SETD5: variants seen among roughly 807,000 people sequenced by gnomAD.
SETD5 encodes the protein histone-lysine N-methyltransferase SETD5.
SETD5 carries 44 observed loss-of-function variants against 153.3 expected under a neutral mutation model. The observed-to-expected ratio is 0.29, with a 90% confidence interval of 0.23 to 0.37. The LOEUF (loss-of-function observed/expected upper bound fraction) is 0.37, where lower values mean the gene tolerates loss of function less well. Among genes scored for constraint, SETD5 ranks in the 10% least tolerant of loss-of-function variants. SETD5 has a pLI of 1.00. For synonymous variants in SETD5, 716 were observed against 645.2 expected, an observed-to-expected ratio of 1.11 and a Z score of -1.66; for missense variants, 1,544 against 1,768.0, an observed-to-expected ratio of 0.87 and a Z score of 2.27.
Position 9,434,657 on chromosome 3 carries a change from A to C in SETD5, c.330-167A>C. ...TGAGAATTGCTGACAACAAGGAATGAGAGATTGATGTTAAAGCTATTGAAT... is the reference window on the plus strand; with the variant it reads ...TGAGAATTGCTGACAACAAGGAATGCGAGATTGATGTTAAAGCTATTGAAT... On this transcript the variant is annotated intron_variant, in intron 5 of 22. Transcript: ENST00000402198. This position sits in a 1 kb window ranked among gnomAD's most constrained non-coding sequence, Gnocchi z 5.6. 1 of 1,469,010 alleles carries C rather than the reference A, an allele frequency of 6.8e-7. No homozygotes were observed. The highest frequency in any genetic ancestry group is 9.0e-7 in the Non-Finnish European group (1 of 1,110,684). 91.0% of individuals were successfully genotyped at this position (1,469,010 alleles called of 1,614,324 possible). A position where few individuals can be genotyped will look rare whatever the true frequency, so the allele number is the denominator to read the frequency against.
In SETD5 at chr3:9,434,322, C is replaced by T; in HGVS notation, c.178-12C>T. The T allele has an allele frequency of 1.2e-6, 2 of 1,613,666 alleles. No homozygotes were observed. The highest frequency in any genetic ancestry group is 1.7e-6 in the Non-Finnish European group (2 of 1,179,606). On this transcript the variant is annotated splice_polypyrimidine_tract_variant and intron_variant, in intron 4 of 22. Coordinates refer to ENST00000402198, the MANE Select transcript of SETD5 (RefSeq NM_001080517.3). The surrounding 1 kb of genome is among the most constrained non-coding windows in gnomAD (Gnocchi z 5.6). ...TCCTCCTCCGACACCTCCTGCTTCTCCCCCTGTCCAGACGATCATCCCTCG... is the reference window on the plus strand; with the variant it reads ...TCCTCCTCCGACACCTCCTGCTTCTTCCCCTGTCCAGACGATCATCCCTCG...
intron 1 of SETD5, among the ~76,000 whole-genome samples, chr3:9,400,345 A>C (rs2034554227): frequency 6.6e-6 from 1 of 152,220 alleles, no homozygotes; most frequent in Non-Finnish European, 1.5e-5. Context: ...AAACCCAAGT[A>C]ATAATTTTAA....
intron 16 of SETD5, among the ~76,000 whole-genome samples, chr3:9,452,590 T>C (rs530926852): frequency 1.3e-5 from 2 of 150,780 alleles, no homozygotes; most frequent in South Asian, 4.2e-4. Flanking sequence ...TCCTTCCAAG[T>C]GTTTACAGGT....
Position 9,424,333 on chromosome 3 carries a change from G to C in SETD5, c.-176-134G>C, listed in dbSNP as rs539109557. The stretch of plus-strand genomic sequence containing the variant: ...TTCAGTGCCGGATGGACGTAGGGTG[G>C]TAAACGAGATAGTATAGATGTAGGA... On this transcript the variant is annotated intron_variant, in intron 1 of 22. Coordinates refer to ENST00000402198, the MANE Select transcript of SETD5 (RefSeq NM_001080517.3). The C allele has an allele frequency of 7.2e-5, 11 of 152,280 alleles. No homozygotes were observed. In the South Asian group the frequency reaches 2.3e-3, roughly 32 times the overall value. 9.4% of individuals were successfully genotyped at this position (152,280 alleles called of 1,614,324 possible). A position where few individuals can be genotyped will look rare whatever the true frequency, so the allele number is the denominator to read the frequency against.
intron 2 of SETD5, among the ~76,000 whole-genome samples, chr3:9,425,918 GTA>G (rs1481182231): frequency 1.3e-5 from 2 of 152,108 alleles, no homozygotes; most frequent in Admixed American, 1.3e-4. Context: ...ATCAGGGGAG[GTA>G]CGGTGATAAT....
chr3:9,448,325 T>G, intron 15 of SETD5, 63 bp from the exon 16 acceptor site: 2 of 1,565,216 alleles, frequency 1.3e-6, no homozygotes, highest in Non-Finnish European at 1.7e-6. Flanking sequence ...AGATGACGTT[T>G]GTCTTTATGA....
Position 9,443,322 on chromosome 3 carries a change from T to C in SETD5, c.1092T>C (p.Ile364=), listed in dbSNP as rs374226733. 105 of 1,551,786 alleles carry C rather than the reference T, an allele frequency of 6.8e-5. No homozygotes were observed. The African/African-American group carries it at 1.3e-3, about 19-fold the overall frequency. ...CTPNAEVRHM[I]ADGMIHLCIY... ...TTTTCACACAGGTGCGACACATGAT[T>C]GCAGATGGGATGATTCACCTGTGCA... Residue 364 remains isoleucine, a synonymous_variant, in exon 11 of 23, where the codon ATT becomes ATC. Transcript: ENST00000402198.
intron 17 of SETD5, among the ~76,000 whole-genome samples, chr3:9,459,832 C>T (rs2043734179): frequency 6.6e-6 from 1 of 151,644 alleles, no homozygotes; most frequent in Non-Finnish European, 1.5e-5. Flanking sequence ...GTTAGCAGGT[C>T]AAATGGGGGA....
At chr3:9,446,822 A>G (rs947271815) in intron 13 of SETD5, among the ~76,000 whole-genome samples, 10 of 152,142 alleles carry the variant, frequency 6.6e-5, no homozygotes, top group African/African-American at 2.2e-4. Flanking sequence ...TTTCAAAATA[A>G]CTGACCCTTT....
chr3:9,399,425 G>A (rs1490770088), intron 1 of SETD5, among the ~76,000 whole-genome samples: 1 of 152,018 alleles, frequency 6.6e-6, no homozygotes, highest in Non-Finnish European at 1.5e-5. Context: ...CATAGAGGAC[G>A]TAGGGCTTTT....
At position 9,404,312 on chromosome 3, in the gene SETD5, T is replaced by C. The variant is rs75722891; in HGVS notation, c.-177+6335T>C. On this transcript the variant is annotated intron_variant, in intron 1 of 22. Coordinates refer to ENST00000402198, the MANE Select transcript of SETD5 (RefSeq NM_001080517.3). ...AAGCCTGACCAAGTTTTGTGTTATTTCTCTCTGTTAAAGAAAACTGGATGT... is the reference window on the plus strand; with the variant it reads ...AAGCCTGACCAAGTTTTGTGTTATTCCTCTCTGTTAAAGAAAACTGGATGT... Among the ~76,000 whole-genome samples, 1,275 of 149,198 alleles carry C rather than the reference T, an allele frequency of 8.5e-3. 28 individuals carry two copies. Among genetic ancestry groups the C allele is most frequent in the African/African-American group, 0.029 (1,197 of 41,454 alleles).
At chr3:9,436,901 C>G in intron 7 of SETD5, 1 of 1,549,358 alleles carries the variant, frequency 6.5e-7, no homozygotes. Flanking sequence ...AAGGGGTAAT[C>G]TTCGCTGATG....
At chr3:9,441,551 G>T (rs2041298801) in intron 8 of SETD5, 42 bp from the exon 9 acceptor site, 1 of 1,599,148 alleles carries the variant, frequency 6.3e-7, no homozygotes, top group Non-Finnish European at 8.6e-7. Context: ...CTACTAAGGT[G>T]TTCTTGCTGT....
intron 1 of SETD5, among the ~76,000 whole-genome samples, chr3:9,420,487 C>G (rs1239021549): frequency 1.3e-5 from 2 of 151,768 alleles, no homozygotes; most frequent in Non-Finnish European, 2.9e-5. Context: ...CTCAGTAGCT[C>G]CTAGAGGGAG....
chr3:9,470,801 G>A lies in SETD5; in HGVS notation c.3067G>A (p.Glu1023Lys), dbSNP rs1179712616. 2 of 1,613,604 alleles carry A rather than the reference G, an allele frequency of 1.2e-6. No individual in the cohort carries two copies. The highest frequency in any genetic ancestry group is 2.7e-5 in the African/African-American group (2 of 74,912). The change falls in exon 19 of 23, where the codon GAA (glutamate) becomes AAA (lysine). Residue 1023 changes from glutamate (E) to lysine (K), a missense_variant. Around this residue, in one of 9 missense-constraint regions of SETD5, gnomAD observed 782 missense variants for 787.2 expected, o/e 0.99. Transcript: ENST00000402198. ...HLDGGYCSPA[E>K]GFSSRYEHGL... ...GGATGGGGGATATTGTTCCCCTGCAGAAGGATTTTCCAGCAGATATGAACA... is the reference window on the plus strand; with the variant it reads ...GGATGGGGGATATTGTTCCCCTGCAAAAGGATTTTCCAGCAGATATGAACA...
At chr3:9,469,413 A>C (rs1218003944) in intron 18 of SETD5, among the ~76,000 whole-genome samples, 1 of 152,222 alleles carries the variant, frequency 6.6e-6, no homozygotes, top group Non-Finnish European at 1.5e-5. Context: ...AGAAATAGTC[A>C]ACTGAACTTT....
intron 20 of SETD5, among the ~76,000 whole-genome samples, chr3:9,474,244 C>G (rs931780283): frequency 6.6e-6 from 1 of 152,070 alleles, no homozygotes; most frequent in African/African-American, 2.4e-5. Flanking sequence ...TCCTTGATTT[C>G]TTTTTCTTTA....
At chr3:9,452,201 A>G (rs556635224) in intron 16 of SETD5, among the ~76,000 whole-genome samples, 1 of 152,246 alleles carries the variant, frequency 6.6e-6, no homozygotes. Flanking sequence ...TTTTACAAGT[A>G]CATCTACTAG....
chr3:9,409,298 C>T (rs1181831887), intron 1 of SETD5, among the ~76,000 whole-genome samples: 1 of 152,166 alleles, frequency 6.6e-6, no homozygotes, highest in South Asian at 2.1e-4. Context: ...AGTTTATATA[C>T]AGAAGGTAAG....
Sources: allele counts gnomAD v4.1 joint callset (sites outside exome capture counted in the v4.1 genomes callset), GRCh38; gene constraint gnomAD v4.1.1; regional missense constraint gnomAD v4.1.1; non-coding constraint Gnocchi (gnomAD v3.1); transcripts MANE v1.5; gene names NCBI Gene and HGNC (gene_info 2026-07-23, HGNC 2026-07-21).